DAPK1: variants seen among roughly 807,000 people sequenced by gnomAD.
DAPK1 encodes death associated protein kinase 1.
Under a neutral mutation model 144.9 loss-of-function variants are expected in DAPK1, and 56 were observed. That is an observed-to-expected ratio of 0.39 (90% CI 0.31 to 0.48). The LOEUF is 0.48. DAPK1 is among the 20% of genes least tolerant of loss of function. The pLI is 0.95. For missense variants in DAPK1, 1,454 were observed against 1,875.4 expected (o/e 0.78, Z 4.15); for synonymous variants, 690 against 749.0 (o/e 0.92, Z 1.29).
chr9:87,610,242 T>C (rs1355135186), intron 3 of DAPK1, among the ~76,000 whole-genome samples: 1 of 152,238 alleles, frequency 6.6e-6, no homozygotes, highest in Non-Finnish European at 1.5e-5. Context: ...AGGAGGCAAA[T>C]GTGATTTCTT....
At chr9:87,614,543 A>G (rs932349107) in intron 3 of DAPK1, among the ~76,000 whole-genome samples, 1 of 152,114 alleles carries the variant, frequency 6.6e-6, no homozygotes, top group Admixed American at 6.5e-5. Flanking sequence ...CAAATTGTTC[A>G]TACTTCCTCT....
chr9:87,526,626 T>C (rs1048456889), intron 2 of DAPK1, among the ~76,000 whole-genome samples: 8 of 152,192 alleles, frequency 5.3e-5, no homozygotes, highest in Admixed American at 1.3e-4. Flanking sequence ...TTCTAGAGAA[T>C]CATTGTGATT....
chr9:87,633,039 G>A, intron 3 of DAPK1: 1 of 981,200 alleles, frequency 1.0e-6, no homozygotes. Context: ...TAGGGATGAA[G>A]GAGGATGAGT....
chr9:87,640,361 T>C lies in DAPK1; in HGVS notation c.693T>C (p.Ala231=). 6.2e-7 allele frequency: 1 copy of C among 1,614,234 alleles called. No homozygotes were observed. The change falls in exon 8 of 26, where the codon GCT becomes GCC. Residue 231 remains alanine (A), a synonymous_variant. Coordinates refer to ENST00000408954, the MANE Select transcript of DAPK1 (RefSeq NM_004938.4). ...TKQETLANVS[A]VNYEFEDEYF... ...AAGAAACGTTAGCAAATGTATCCGC[T>C]GTCAACTACGAATTTGAGGATGAAT...
intron 3 of DAPK1, among the ~76,000 whole-genome samples, chr9:87,608,728 G>A (rs1340516550): frequency 6.6e-6 from 1 of 152,192 alleles, no homozygotes; most frequent in Non-Finnish European, 1.5e-5. Context: ...TGAAAGCTGA[G>A]CGATCTCACT....
intron 20 of DAPK1, among the ~76,000 whole-genome samples, chr9:87,683,333 G>A (rs991504741): frequency 1.3e-5 from 2 of 151,970 alleles, no homozygotes; most frequent in Non-Finnish European, 2.9e-5. Context: ...CACCTGCCTC[G>A]GCCTCCCAAA....
intron 2 of DAPK1, among the ~76,000 whole-genome samples, chr9:87,519,138 G>C (rs1825195851): frequency 6.6e-6 from 1 of 152,082 alleles, no homozygotes. Context: ...TGGGGCTGGG[G>C]CTCTGGGCCC....
At chr9:87,510,645 T>G (rs1208679748) in intron 2 of DAPK1, among the ~76,000 whole-genome samples, 1 of 152,196 alleles carries the variant, frequency 6.6e-6, no homozygotes, top group African/African-American at 2.4e-5. Context: ...GAACATGGCC[T>G]TTTGTCTCTG....
intron 3 of DAPK1, among the ~76,000 whole-genome samples, chr9:87,620,063 G>T (rs755605379): frequency 6.6e-6 from 1 of 152,126 alleles, no homozygotes; most frequent in Non-Finnish European, 1.5e-5. Context: ...CTCCTTAGAG[G>T]CCTCTGGTGG....
At chr9:87,561,150 G>A (rs12004155) in intron 2 of DAPK1, among the ~76,000 whole-genome samples, 7,582 of 152,166 alleles carry the variant, frequency 0.05, 583 homozygotes, top group African/African-American at 0.17. Flanking sequence ...TATATTAGAT[G>A]AGGAGCCGTT....
chr9:87,658,952 G>A lies in DAPK1; in HGVS notation c.1923+825G>A, dbSNP rs200746775. On this transcript the variant is annotated intron_variant, in intron 18 of 25. Coordinates refer to ENST00000408954, the MANE Select transcript of DAPK1 (RefSeq NM_004938.4). ...CAGAGGTTAGCAAACCATGGCCCAC[G>A]GGCCATATCCCGCTGCTGGTCTTTG... 5.3e-4 allele frequency among the ~76,000 whole-genome samples: 81 copies of A among 152,330 alleles called. No individual in the cohort carries two copies. In the East Asian group the frequency reaches 0.014, roughly 27 times the overall value.
intron 16 of DAPK1, among the ~76,000 whole-genome samples, chr9:87,651,021 C>G (rs1389149252): frequency 6.6e-6 from 1 of 152,182 alleles, no homozygotes; most frequent in African/African-American, 2.4e-5. Context: ...GAATGAATGC[C>G]CGGGCTGGTT....
At chr9:87,526,258 T>C (rs36230214) in intron 2 of DAPK1, among the ~76,000 whole-genome samples, 2 of 152,226 alleles carry the variant, frequency 1.3e-5, no homozygotes, top group East Asian at 1.9e-4. Flanking sequence ...GAACTACTAC[T>C]GCAATCAGGA....
intron 2 of DAPK1, among the ~76,000 whole-genome samples, chr9:87,599,187 T>A (rs1828426837): frequency 6.6e-6 from 1 of 152,224 alleles, no homozygotes. Context: ...CGAATACACT[T>A]GAGTTTGAGT....
At chr9:87,687,345 A>C (rs1282407523) in intron 21 of DAPK1, among the ~76,000 whole-genome samples, 1 of 152,106 alleles carries the variant, frequency 6.6e-6, no homozygotes, top group East Asian at 1.9e-4. Flanking sequence ...CCTCCATAAA[A>C]TCAACTTTTT....
At chr9:87,576,749 G>T (rs1247296560) in intron 2 of DAPK1, among the ~76,000 whole-genome samples, 1 of 152,106 alleles carries the variant, frequency 6.6e-6, no homozygotes, top group Admixed American at 6.5e-5. Flanking sequence ...GTAGAGACGG[G>T]GTTTCACCAT....
chr9:87,507,645 ATTT>A (rs111451985), intron 2 of DAPK1, among the ~76,000 whole-genome samples: 1 of 150,190 alleles, frequency 6.7e-6, no homozygotes, highest in African/African-American at 2.4e-5. Flanking sequence ...AATGTTGTTG[ATTT>A]TTTTTTTCCC....
chr9:87,589,055 A>AT (rs35875159), intron 2 of DAPK1, among the ~76,000 whole-genome samples: 2,421 of 101,120 alleles, frequency 0.024, 23 homozygotes, highest in African/African-American at 0.042. Flanking sequence ...CGCCCGGCTA[A>AT]TTTTTTTTTT....
chr9:87,604,562 G>A (rs769942896), intron 2 of DAPK1, among the ~76,000 whole-genome samples: 5 of 151,716 alleles, frequency 3.3e-5, no homozygotes, highest in Admixed American at 2.0e-4. Flanking sequence ...TTTTTTTACC[G>A]ATTCCCTGGT....
Sources: allele counts gnomAD v4.1 joint callset (sites outside exome capture counted in the v4.1 genomes callset), GRCh38; gene constraint gnomAD v4.1.1; transcripts MANE v1.5; gene names NCBI Gene and HGNC (gene_info 2026-07-23, HGNC 2026-07-21).